EXOC4: variants seen among roughly 807,000 people sequenced by gnomAD.
EXOC4 encodes the protein exocyst complex component 4.
In EXOC4, 71 loss-of-function variants were observed where a neutral mutation model predicts 107.2. That is an observed-to-expected ratio of 0.66 (90% CI 0.55 to 0.81). The LOEUF (loss-of-function observed/expected upper bound fraction) is 0.81, where lower values mean the gene tolerates loss of function less well. Ranked by LOEUF, EXOC4 falls within the 30% of genes least tolerant of loss-of-function variation. The pLI, the probability that EXOC4 is intolerant of heterozygous loss-of-function variation, is 0.00. For missense variants in EXOC4, 1,108 were observed against 1,189.6 expected (o/e 0.93, Z 1.01); for synonymous variants, 456 against 441.2 (o/e 1.03, Z -0.42).
At chr7:133,788,501 T>C (rs1478623384) in intron 10 of EXOC4, among the ~76,000 whole-genome samples, 1 of 151,762 alleles carries the variant, frequency 6.6e-6, no homozygotes, top group Non-Finnish European at 1.5e-5. Context: ...ACTTCTCTCT[T>C]TTTTTTTGAG....
At chr7:133,774,019 T>G (rs1362442039) in intron 10 of EXOC4, among the ~76,000 whole-genome samples, 1 of 152,070 alleles carries the variant, frequency 6.6e-6, no homozygotes, top group Non-Finnish European at 1.5e-5. Flanking sequence ...AACACGTAGC[T>G]GGGATTAAGG....
intron 10 of EXOC4, among the ~76,000 whole-genome samples, chr7:133,800,455 G>GATGCTCTGA (rs1432773887): frequency 2.0e-5 from 3 of 151,368 alleles, no homozygotes; most frequent in Non-Finnish European, 4.4e-5. Context: ...GTTCATTTAT[G>GATGCTCTGA]ATGCTCTGAA....
In EXOC4 at chr7:133,917,692, C is replaced by G; in HGVS notation, c.1981C>G (p.Pro661Ala). The G allele has an allele frequency of 6.2e-7, 1 of 1,613,988 alleles. No homozygotes were observed. The highest frequency in any genetic ancestry group is 1.1e-5 in the South Asian group (1 of 91,078). ...ACCAAACTGGATGAATATGGCTCAA[C>G]CCAAACAGCTGAGGCCAAAAAGAGA... Reference protein sequence around the residue: ...SLPNWMNMAQPKQLRPKREEE... With the variant: ...SLPNWMNMAQAKQLRPKREEE... Residue 661 changes from proline (P) to alanine (A), a missense_variant, in exon 13 of 18, where the codon CCC (proline) becomes GCC (alanine). Coordinates refer to ENST00000253861, the MANE Select transcript of EXOC4 (RefSeq NM_021807.4).
intron 6 of EXOC4, among the ~76,000 whole-genome samples, chr7:133,364,303 G>A (rs1796201040): frequency 6.6e-6 from 1 of 150,696 alleles, no homozygotes; most frequent in Admixed American, 6.6e-5. Flanking sequence ...GCTATTTAAA[G>A]TATTTTTTTT....
At chr7:133,989,817 A>G (rs1186824662) in intron 14 of EXOC4, among the ~76,000 whole-genome samples, 2 of 152,298 alleles carry the variant, frequency 1.3e-5, no homozygotes, top group East Asian at 1.9e-4. Flanking sequence ...GTTGAGGACT[A>G]ACAGGGAGCA....
intron 14 of EXOC4, among the ~76,000 whole-genome samples, chr7:133,971,405 G>GAGAGAA (rs1801234095): frequency 2.2e-5 from 3 of 139,444 alleles, no homozygotes; most frequent in Non-Finnish European, 4.6e-5. Context: ...GAGAGAGAAA[G>GAGAGAA]AGAGAGAGAA....
At chr7:133,812,193 A>G (rs1260896820) in intron 10 of EXOC4, among the ~76,000 whole-genome samples, 1 of 152,166 alleles carries the variant, frequency 6.6e-6, no homozygotes, top group African/African-American at 2.4e-5. Flanking sequence ...TCTAATCTCC[A>G]GCCTCATCAG....
intron 9 of EXOC4, among the ~76,000 whole-genome samples, chr7:133,547,549 C>T (rs1050243036): frequency 2.6e-5 from 4 of 152,170 alleles, no homozygotes; most frequent in African/African-American, 9.7e-5. Context: ...CCCGGTAGAA[C>T]GTCTTTCAAC....
At chr7:133,547,799 G>A (rs1013345648) in intron 9 of EXOC4, among the ~76,000 whole-genome samples, 18 of 151,864 alleles carry the variant, frequency 1.2e-4, no homozygotes, top group African/African-American at 4.1e-4. Context: ...TACCATATTT[G>A]CAATTACTTC....
intron 7 of EXOC4, among the ~76,000 whole-genome samples, chr7:133,431,625 T>C (rs1797858260): frequency 6.6e-6 from 1 of 152,226 alleles, no homozygotes; most frequent in African/African-American, 2.4e-5. Context: ...TCCAGAGTAA[T>C]ATATGTGTAA....
chr7:134,002,936 A>G (rs1340750995), intron 15 of EXOC4, among the ~76,000 whole-genome samples: 2 of 152,198 alleles, frequency 1.3e-5, no homozygotes, highest in Non-Finnish European at 2.9e-5. Flanking sequence ...GTAAACATAC[A>G]CTTACCATAA....
intron 10 of EXOC4, among the ~76,000 whole-genome samples, chr7:133,761,962 G>A (rs571128150): frequency 1.3e-5 from 2 of 152,126 alleles, no homozygotes; most frequent in Non-Finnish European, 2.9e-5. Context: ...GGCACGTGGA[G>A]AGTCATGTGG....
chr7:133,315,504 T>A, intron 4 of EXOC4: 1 of 152,044 alleles, frequency 6.6e-6, no homozygotes, highest in Non-Finnish European at 1.5e-5. Flanking sequence ...GTTTTGTAAT[T>A]GTGAGTAAAA....
intron 5 of EXOC4, among the ~76,000 whole-genome samples, chr7:133,354,660 A>G (rs1247496219): frequency 6.6e-6 from 1 of 152,174 alleles, no homozygotes; most frequent in Non-Finnish European, 1.5e-5. Context: ...GATTAGAGGA[A>G]GCAATCAGCG....
At chr7:133,582,863 A>C (rs898832241) in intron 9 of EXOC4, among the ~76,000 whole-genome samples, 3 of 152,226 alleles carry the variant, frequency 2.0e-5, no homozygotes, top group Admixed American at 6.5e-5. Flanking sequence ...AAAGAAATAC[A>C]AAAGAGTTCA....
At chr7:133,692,756 G>A (rs1012330908) in intron 10 of EXOC4, among the ~76,000 whole-genome samples, 1 of 152,164 alleles carries the variant, frequency 6.6e-6, no homozygotes, top group Non-Finnish European at 1.5e-5. Context: ...ATCAGTGTAT[G>A]TTCATGTACG....
intron 12 of EXOC4, among the ~76,000 whole-genome samples, chr7:133,904,511 T>C (rs1036595836): frequency 2.2e-4 from 33 of 152,242 alleles, no homozygotes; most frequent in African/African-American, 8.0e-4. Flanking sequence ...AGGAGCATTT[T>C]GATTCCTTCC....
At position 133,266,610 on chromosome 7, in the gene EXOC4, T is replaced by C. The variant is rs181072617; in HGVS notation, c.87-8372T>C. Reference sequence around the variant, plus strand: ...AATTTGATCTATTTAGTCCTGTAAGTTCCTGAAATTCTAGACTTAAATTAA... The same window carrying C: ...AATTTGATCTATTTAGTCCTGTAAGCTCCTGAAATTCTAGACTTAAATTAA... On this transcript the variant is annotated intron_variant, in intron 1 of 17. Transcript: ENST00000253861. 2.0e-5 allele frequency among the ~76,000 whole-genome samples: 3 copies of C among 152,340 alleles called. No homozygotes were observed. The East Asian group carries it at 5.8e-4, about 29-fold the overall frequency.
In EXOC4 at chr7:134,064,869, C is replaced by T. The variant is rs78000803; in HGVS notation, c.*341C>T. On this transcript the variant is annotated 3_prime_UTR_variant, in exon 18 of 18. Transcript: ENST00000253861. Reference sequence around the variant, plus strand: ...TACTCAATATATATATAATTCCAGCCTTGGAAAGTAGGAAAGTAGGCTGCT... The same window carrying T: ...TACTCAATATATATATAATTCCAGCTTTGGAAAGTAGGAAAGTAGGCTGCT... 4.5e-3 allele frequency: 717 copies of T among 158,884 alleles called. 7 individuals are homozygous for T. The highest frequency in any genetic ancestry group is 0.016 in the African/African-American group (683 of 41,782). 9.8% of individuals were successfully genotyped at this position (158,884 alleles called of 1,614,324 possible). A position where few individuals can be genotyped will look rare whatever the true frequency, so the allele number is the denominator to read the frequency against.
Sources: allele counts gnomAD v4.1 joint callset (sites outside exome capture counted in the v4.1 genomes callset), GRCh38; gene constraint gnomAD v4.1.1; transcripts MANE v1.5; gene names NCBI Gene and HGNC (gene_info 2026-07-23, HGNC 2026-07-21).